Variants in RUBCNL observed in about 807,000 individuals in gnomAD.
RUBCNL encodes the protein rubicon like autophagy enhancer.
A neutral mutation model predicts 69.5 loss-of-function variants in RUBCNL; 62 were observed. The observed-to-expected ratio is 0.89, with a 90% CI of 0.73 to 1.10. RUBCNL has a LOEUF of 1.10. Ranked by LOEUF, RUBCNL falls within the 50% of genes least tolerant of loss-of-function variation. The pLI, the probability that RUBCNL is intolerant of heterozygous loss-of-function variation, is 0.00. For synonymous variants in RUBCNL, 291 were observed against 303.6 expected (o/e 0.96, Z 0.43); for missense variants, 768 against 798.1 (o/e 0.96, Z 0.45).
At chr13:46,343,519 G>C in intron 14 of RUBCNL, 22 bp from the exon 15 acceptor site, 1 of 1,607,808 alleles carries the variant, frequency 6.2e-7, no homozygotes, top group Non-Finnish European at 8.5e-7. Flanking sequence ...GAAGAGAGCC[G>C]TTAGCAAACG....
rs752121554 is a variant in RUBCNL, at chr13:46,362,535, T to C, written c.986+3A>G. On this transcript the variant is annotated splice_donor_region_variant and intron_variant, in intron 7 of 14. Coordinates refer to ENST00000429979, the MANE Select transcript of RUBCNL (RefSeq NM_025113.5). ...ATGTGCACTGTGCACAGAAGACAGA[T>C]ACCTCTTAGAGGAGCTGCAGGAACA... 5.6e-6 allele frequency: 9 copies of C among 1,604,306 alleles called. No individual in the cohort carries two copies. Among genetic ancestry groups the C allele is most frequent in the Non-Finnish European group, 3.4e-6 (4 of 1,173,832 alleles).
intron 6 of RUBCNL, among the ~76,000 whole-genome samples, 166 bp downstream of exon 6, chr13:46,362,949 T>TATAC (rs2048657253): frequency 4.7e-5 from 3 of 63,500 alleles, no homozygotes; most frequent in African/African-American, 2.0e-4. Context: ...GATATATATA[T>TATAC]ATATATATAT....
At chr13:46,378,428 T>C (rs1183968789) in intron 1 of RUBCNL, 1 of 154,188 alleles carries the variant, frequency 6.5e-6, no homozygotes, top group Non-Finnish European at 1.5e-5. Flanking sequence ...AGGGAAGAGA[T>C]ACCAATCTCA....
rs1199209960 is a variant in RUBCNL at position 46,335,257 on chromosome 13, GTTGTTTTTTTTTT to G, written c.*8115_*8127del. Among the ~76,000 whole-genome samples the G allele has an allele frequency of 3.0e-5, 3 of 98,590 alleles. No homozygotes were observed. The highest frequency in any genetic ancestry group is 7.9e-5 in the African/African-American group (2 of 25,276). The allele number at this position is 98,590 out of a possible 152,430, so 64.7% of individuals were successfully genotyped here. ...TTTGTGTCTTTTTGTTGTTGTTGTTGTTGTTTTTTTTTTTTTTTTTTTTTTTTTAAGAGACAGG... is the reference window on the plus strand; with the variant it reads ...TTTGTGTCTTTTTGTTGTTGTTGTTGTTTTTTTTTTTTTTTAAGAGACAGG... On this transcript the variant is annotated 3_prime_UTR_variant, in exon 15 of 15. Coordinates refer to ENST00000429979, the MANE Select transcript of RUBCNL (RefSeq NM_025113.5).
At chr13:46,374,529 C>A (rs1022057300) in intron 2 of RUBCNL, 6 of 152,222 alleles carry the variant, frequency 3.9e-5, no homozygotes, top group Non-Finnish European at 2.9e-5. Context: ...GAGGACATAT[C>A]AGATATTAAC....
chr13:46,343,790 G>A (rs2048185186), intron 14 of RUBCNL, among the ~76,000 whole-genome samples: 1 of 152,164 alleles, frequency 6.6e-6, no homozygotes, highest in East Asian at 1.9e-4. Context: ...CAGCTGCCAA[G>A]AGAGGTGGTG....
chr13:46,379,897 C>G (rs1449366767), intron 1 of RUBCNL, among the ~76,000 whole-genome samples: 1 of 152,152 alleles, frequency 6.6e-6, no homozygotes, highest in Non-Finnish European at 1.5e-5. Flanking sequence ...AATAACAGAG[C>G]CTAAAACTAT....
At chr13:46,350,479 C>T in intron 10 of RUBCNL, 128 bp from the exon 11 acceptor site, 1 of 682,350 alleles carries the variant, frequency 1.5e-6, no homozygotes, top group East Asian at 2.7e-5. Flanking sequence ...TAAAGCCATA[C>T]TCAACCTCAT....
chr13:46,378,145 T>C (rs2049038851), intron 1 of RUBCNL, 140 bp from the exon 2 acceptor site: 1 of 533,728 alleles, frequency 1.9e-6, no homozygotes, highest in Admixed American at 3.8e-5. Context: ...TCTGGCATTG[T>C]TTTTGTTTTG....
At position 46,372,493 on chromosome 13, in the gene RUBCNL, T is replaced by C. The variant is rs2048901838; in HGVS notation, c.-18A>G. 6.3e-7 allele frequency: 1 copy of C among 1,582,152 alleles called. No homozygotes were observed. Among genetic ancestry groups the C allele is most frequent in the African/African-American group, 1.3e-5 (1 of 74,228 alleles). On this transcript the variant is annotated 5_prime_UTR_variant, in exon 3 of 15. Transcript: ENST00000429979. The stretch of plus-strand genomic sequence containing the variant: ...GACACCATCTTTCCAGGCTTGTGGC[T>C]GGTGTGAATCCATTCAAAACAGATA...
At chr13:46,356,311 T>C (rs1238940682) in intron 10 of RUBCNL, 121 bp downstream of exon 10, 1 of 943,276 alleles carries the variant, frequency 1.1e-6, no homozygotes, top group Admixed American at 2.8e-5. Flanking sequence ...GCAACTTCTC[T>C]GAAGCTCTTA....
At chr13:46,387,087 T>G (rs1395798944) in intron 1 of RUBCNL, 47 bp downstream of exon 1, 5 of 984,764 alleles carry the variant, frequency 5.1e-6, no homozygotes, top group East Asian at 2.3e-4. Flanking sequence ...AACCACCCTC[T>G]CCACCCCGCG....
chr13:46,349,664 T>C (rs1406334844), intron 11 of RUBCNL, among the ~76,000 whole-genome samples: 1 of 151,446 alleles, frequency 6.6e-6, no homozygotes, highest in Non-Finnish European at 1.5e-5. Context: ...GGCTCCAAAG[T>C]GTAAGCTTCA....
chr13:46,385,623 T>G (rs534887226), intron 1 of RUBCNL, among the ~76,000 whole-genome samples: 13 of 150,186 alleles, frequency 8.7e-5, no homozygotes, highest in African/African-American at 3.2e-4. Flanking sequence ...CAGCAAGCAA[T>G]GCAGCCTTTC....
chr13:46,365,732 C>T (rs1049594941), intron 5 of RUBCNL, among the ~76,000 whole-genome samples: 5 of 152,126 alleles, frequency 3.3e-5, no homozygotes, highest in African/African-American at 4.8e-5. Flanking sequence ...GGGAATGGCA[C>T]GAGATTCCTG....
chr13:46,387,834 G>C (rs2049283495), upstream of RUBCNL: 1 of 985,526 alleles, frequency 1.0e-6, no homozygotes, highest in Non-Finnish European at 1.2e-6. Flanking sequence ...ATCCCATCAC[G>C]GGTGTGCAGT....
chr13:46,373,120 C>T (rs931000754), intron 2 of RUBCNL, among the ~76,000 whole-genome samples: 3 of 151,974 alleles, frequency 2.0e-5, no homozygotes, highest in Admixed American at 6.6e-5. Flanking sequence ...ATTACAGGCA[C>T]GTGCCACCAC....
rs1379200883 is a variant in RUBCNL at position 46,339,376 on chromosome 13, C to A, written c.*4009G>T. On this transcript the variant is annotated 3_prime_UTR_variant, in exon 15 of 15. Transcript: ENST00000429979. ...GCACGCTTCTAAAAATGACACACTTCACCCTCCTTTGGCGATGAGTTCAGG... is the reference window on the plus strand; with the variant it reads ...GCACGCTTCTAAAAATGACACACTTAACCCTCCTTTGGCGATGAGTTCAGG... 1.3e-5 allele frequency among the ~76,000 whole-genome samples: 2 copies of A among 152,240 alleles called. No homozygotes were observed. The highest frequency in any genetic ancestry group is 4.8e-5 in the African/African-American group (2 of 41,464).
intron 14 of RUBCNL, 148 bp downstream of exon 14, chr13:46,344,593 A>G: frequency 1.6e-6 from 1 of 625,328 alleles, no homozygotes; most frequent in Non-Finnish European, 2.8e-6. Context: ...CCAGCATACA[A>G]GCACACACCA....
Sources: gnomAD v4.1 joint callset for allele counts (sites outside exome capture counted in the v4.1 genomes callset) on GRCh38, gnomAD v4.1.1 for gene constraint, MANE v1.5 for transcripts, NCBI Gene and HGNC (gene_info 2026-07-23, HGNC 2026-07-21) for gene names.